NELFB: variants seen among roughly 807,000 people sequenced by gnomAD.
NELFB encodes negative elongation factor complex member B.
A neutral mutation model predicts 60.2 loss-of-function variants in NELFB; 34 were observed. The observed-to-expected ratio is 0.56, with a 90% CI of 0.43 to 0.75. The LOEUF (loss-of-function observed/expected upper bound fraction) is 0.75, where lower values mean the gene tolerates loss of function less well. Among genes scored for constraint, NELFB ranks in the 30% least tolerant of loss-of-function variants. The pLI, the probability that NELFB is intolerant of heterozygous loss-of-function variation, is 0.00. For missense variants in NELFB, 770 were observed against 831.6 expected, an observed-to-expected ratio of 0.93 and a Z score of 0.91; for synonymous variants, 459 against 382.1, an observed-to-expected ratio of 1.20 and a Z score of -2.35.
chr9:137,263,170 C>G lies in NELFB; in HGVS notation c.875C>G (p.Ser292Cys). Residue 292 changes from serine to cysteine, a missense_variant, in exon 5 of 13, where the codon TCC (serine) becomes TGC (cysteine). Transcript: ENST00000343053. ...ACGCTGCGGGCTGAGCTGCTCATGTCCCTGCACGACCTGGACGTGGGTGAA... is the reference window on the plus strand; with the variant it reads ...ACGCTGCGGGCTGAGCTGCTCATGTGCCTGCACGACCTGGACGTGGGTGAA... The G allele has an allele frequency of 1.2e-6, 2 of 1,613,912 alleles. No homozygotes were observed. The highest frequency in any genetic ancestry group is 1.1e-5 in the South Asian group (1 of 91,090).
chr9:137,257,027 T>G lies in NELFB; in HGVS notation c.714T>G (p.Pro238=). Residue 238 remains proline (P), a synonymous_variant, in exon 4 of 13, where the codon CCT becomes CCG. Transcript: ENST00000343053. ...CTGTCCTGCACAACTTTTTCAGTCC[T>G]TCCCCCAAGACCAGGCGCCAGGGCG... 1 of 1,613,108 alleles carries G rather than the reference T, an allele frequency of 6.2e-7. No individual in the cohort carries two copies.
At chr9:137,268,022 G>T (rs930888000) in intron 10 of NELFB, among the ~76,000 whole-genome samples, 1 of 152,210 alleles carries the variant, frequency 6.6e-6, no homozygotes, top group African/African-American at 2.4e-5. Flanking sequence ...TCCTCCTGGG[G>T]GCCTTGACGG....
chr9:137,257,525 G>A (rs1394928989), intron 4 of NELFB, among the ~76,000 whole-genome samples: 12 of 143,776 alleles, frequency 8.3e-5, no homozygotes, highest in African/African-American at 1.3e-4. Context: ...TTTTTGAGAC[G>A]GAGTTTCGCT....
At position 137,273,159 on chromosome 9, in the gene NELFB, G is replaced by A; in HGVS notation, c.*231G>A. 1 of 429,178 alleles carries A rather than the reference G, an allele frequency of 2.3e-6. No homozygotes were observed. Among genetic ancestry groups the A allele is most frequent in the Non-Finnish European group, 4.1e-6 (1 of 244,566 alleles). The allele number at this position is 429,178 out of a possible 1,614,324, so 26.6% of individuals were successfully genotyped here. ...CAGAGCCTCTCCTTGTACTTTGGCA[G>A]CCATAGAAAGCGTGCTCATTTTCTG... On this transcript the variant is annotated 3_prime_UTR_variant, in exon 13 of 13. Transcript: ENST00000343053.
intron 6 of NELFB, among the ~76,000 whole-genome samples, chr9:137,265,101 C>T (rs919082419): frequency 4.5e-5 from 6 of 134,364 alleles, no homozygotes; most frequent in Non-Finnish European, 7.7e-5. Flanking sequence ...GTGGTACAGT[C>T]TCCCTCAACC....
intron 5 of NELFB, among the ~76,000 whole-genome samples, chr9:137,263,729 T>G (rs1299793892): frequency 1.3e-5 from 2 of 151,994 alleles, no homozygotes; most frequent in African/African-American, 4.8e-5. Flanking sequence ...CCTTGCCCCG[T>G]CCAGCCCTTT....
intron 3 of NELFB, 131 bp from the exon 4 acceptor site, chr9:137,256,693 C>T (rs1837557524): frequency 3.6e-6 from 3 of 834,404 alleles, no homozygotes; most frequent in African/African-American, 1.7e-5. Context: ...GGCCGGGGAA[C>T]CAGTCATAGG....
In NELFB at chr9:137,256,865, G is replaced by T. The variant is rs908330067; in HGVS notation, c.552G>T (p.Glu184Asp). 8.7e-6 allele frequency: 14 copies of T among 1,614,216 alleles called. No individual in the cohort carries two copies. Among genetic ancestry groups the T allele is most frequent in the Non-Finnish European group, 1.2e-5 (14 of 1,180,046 alleles). ...TGAAGCTGGTTATGGCTGACAAGGA[G>T]CTGTATCGAGCCTGCGCCGTGGAGG... The change falls in exon 4 of 13, where the codon GAG becomes GAT. Residue 184 changes from glutamate to aspartate, a missense_variant. Glu to Asp is a conservative substitution (Grantham distance 45). Coordinates refer to ENST00000343053, the MANE Select transcript of NELFB (RefSeq NM_015456.5).
intron 4 of NELFB, among the ~76,000 whole-genome samples, chr9:137,258,686 C>G (rs1312594727): frequency 6.6e-6 from 1 of 151,924 alleles, no homozygotes; most frequent in East Asian, 1.9e-4. Context: ...AACTCCTGAC[C>G]TCAGGTAATC....
intron 10 of NELFB, among the ~76,000 whole-genome samples, chr9:137,268,614 A>C (rs1244182944): frequency 6.6e-6 from 1 of 152,184 alleles, no homozygotes; most frequent in Non-Finnish European, 1.5e-5. Flanking sequence ...GACTTCTCCC[A>C]GTTCTGCGGG....
Position 137,267,329 on chromosome 9 carries a change from G to A in NELFB, c.1472G>A (p.Arg491His), listed in dbSNP as rs1247990469. ...CAGAGGAACAAGAACGCGCTCCTCC[G>A]CCTGCTGCCCGGGCTGGGTAAGTCC... The change falls in exon 10 of 13, where the codon CGC becomes CAC. Residue 491 changes from arginine (R) to histidine (H), a missense_variant. By Grantham distance (29) the Arg-to-His change is conservative (BLOSUM62 0). Coordinates refer to ENST00000343053, the MANE Select transcript of NELFB (RefSeq NM_015456.5). The A allele has an allele frequency of 3.1e-6, 5 of 1,610,882 alleles. No individual in the cohort carries two copies. Among genetic ancestry groups the A allele is most frequent in the Non-Finnish European group, 3.4e-6 (4 of 1,178,828 alleles).
At chr9:137,265,788 A>G (rs1022913886) in intron 6 of NELFB, 89 bp from the exon 7 acceptor site, 1 of 869,270 alleles carries the variant, frequency 1.2e-6, no homozygotes, top group Non-Finnish European at 1.9e-6. Context: ...CCAGTCCTGA[A>G]TTCAGCCTAG....
At chr9:137,265,066 T>A (rs1194161726) in intron 6 of NELFB, among the ~76,000 whole-genome samples, 18 of 129,898 alleles carry the variant, frequency 1.4e-4, no homozygotes, top group African/African-American at 5.0e-4. Flanking sequence ...TGAGACAGGG[T>A]CTCTGTCACC....
chr9:137,256,823 G>T lies in NELFB; in HGVS notation c.511-1G>T. ...CACAGGCAGCCTGTGGTGTCATGTA[G>T]GTTCCGGAGAAAAAACTGAAGCTGG... On this transcript the variant is annotated splice_acceptor_variant, in intron 3 of 12. Coordinates refer to ENST00000343053, the MANE Select transcript of NELFB (RefSeq NM_015456.5). LOFTEE classifies it high-confidence loss of function. 6.2e-7 allele frequency: 1 copy of T among 1,614,006 alleles called. No individual in the cohort carries two copies. The highest frequency in any genetic ancestry group is 1.1e-5 in the South Asian group (1 of 91,082).
chr9:137,263,660 G>C (rs371112752), intron 5 of NELFB, among the ~76,000 whole-genome samples: 1 of 151,670 alleles, frequency 6.6e-6, no homozygotes, highest in African/African-American at 2.4e-5. Flanking sequence ...AGACCCTGAT[G>C]GGGGAAGGAG....
chr9:137,261,759 G>A (rs1342778145), intron 4 of NELFB, among the ~76,000 whole-genome samples: 1 of 151,976 alleles, frequency 6.6e-6, no homozygotes, highest in African/African-American at 2.4e-5. Context: ...TAGAAGTAAA[G>A]ACACAAGGCA....
intron 10 of NELFB, among the ~76,000 whole-genome samples, chr9:137,268,897 C>T (rs1226192533): frequency 6.6e-6 from 1 of 151,940 alleles, no homozygotes; most frequent in Non-Finnish European, 1.5e-5. Context: ...AGGACAGAGA[C>T]AGATGAGAGA....
Position 137,269,436 on chromosome 9 carries a change from G to A in NELFB, c.1489+2090G>A, listed in dbSNP as rs555599894. Among the ~76,000 whole-genome samples the A allele has an allele frequency of 6.6e-6, 1 of 152,306 alleles. No individual in the cohort carries two copies. The highest frequency in any genetic ancestry group is 6.5e-5 in the Admixed American group (1 of 15,296). ...TTTGTTTATTTTTTGAGACTTCCGG[G>A]AACATAGTTATAAATAACTTTAATT... On this transcript the variant is annotated intron_variant, in intron 10 of 12. Transcript: ENST00000343053. The surrounding 1 kb of genome is among the most constrained non-coding windows in gnomAD (Gnocchi z 5.3).
intron 6 of NELFB, among the ~76,000 whole-genome samples, chr9:137,264,595 A>G (rs1007800341): frequency 2.9e-4 from 44 of 152,174 alleles, no homozygotes; most frequent in African/African-American, 1.0e-3. Context: ...CCTCCCAAGT[A>G]GCTGGGATTA....
Sources: allele counts gnomAD v4.1 joint callset (sites outside exome capture counted in the v4.1 genomes callset), GRCh38; gene constraint gnomAD v4.1.1; non-coding constraint Gnocchi (gnomAD v3.1); transcripts MANE v1.5; gene names NCBI Gene and HGNC (gene_info 2026-07-23, HGNC 2026-07-21).